MVD: variants seen among roughly 807,000 people sequenced by gnomAD.
MVD encodes the protein mevalonate diphosphate decarboxylase, also known as diphosphomevalonate decarboxylase.
A neutral mutation model predicts 42.4 loss-of-function variants in MVD; 52 were observed. The observed-to-expected ratio is 1.23, with a 90% CI of 0.98 to 1.55. The LOEUF is 1.55. Ranked by LOEUF, MVD falls within the 40% of genes most tolerant of loss-of-function variation. The pLI, the probability that MVD is intolerant of heterozygous loss-of-function variation, is 0.00. For synonymous variants in MVD, 287 were observed against 243.2 expected, an observed-to-expected ratio of 1.18 and a Z score of -1.68; for missense variants, 663 against 572.1, an observed-to-expected ratio of 1.16 and a Z score of -1.62.
chr16:88,656,958 G>A (rs1363316405), intron 4 of MVD: 1 of 340,244 alleles, frequency 2.9e-6, no homozygotes, highest in Non-Finnish European at 5.8e-6. Context: ...CCAGCAGAGA[G>A]CTGGGTCCAG....
Position 88,652,661 on chromosome 16 carries a change from C to G in MVD, c.1123-56G>C, listed in dbSNP as rs543534257. 1.8e-4 allele frequency: 268 copies of G among 1,487,074 alleles called. No homozygotes were observed. In the African/African-American group the frequency reaches 3.6e-3, roughly 20 times the overall value. The allele number at this position is 1,487,074 out of a possible 1,614,324, so 92.1% of individuals were successfully genotyped here. ...GGAATGGCAGCGCCTCATCCTGTGC[C>G]CAGCATCTGTAGGGCCGGACACAGG... On this transcript the variant is annotated intron_variant, in intron 9 of 9. Coordinates refer to ENST00000301012, the MANE Select transcript of MVD (RefSeq NM_002461.3).
rs568679801 is a variant in MVD, at chr16:88,658,902, C to A, written c.71-182G>T. 6.7e-5 allele frequency: 41 copies of A among 607,470 alleles called. No homozygotes were observed. In the South Asian group the frequency reaches 7.2e-4, roughly 11 times the overall value. The allele number at this position is 607,470 out of a possible 1,614,324, so 37.6% of individuals were successfully genotyped here. A position where few individuals can be genotyped will look rare whatever the true frequency, so the allele number is the denominator to read the frequency against. On this transcript the variant is annotated intron_variant, in intron 1 of 9. Transcript: ENST00000301012. ...GCCTGCAAGAACTGCTCCCACCCCA[C>A]TGAGCTCAGGCTCCCAGAGCAGAGC...
intron 7 of MVD, 140 bp downstream of exon 7, chr16:88,655,059 G>C: frequency 9.1e-7 from 1 of 1,102,200 alleles, no homozygotes; most frequent in Middle Eastern, 2.9e-4. Flanking sequence ...CAGATGGTCA[G>C]TGAGCTTCGC....
chr16:88,659,018 C>T (rs144745641), intron 1 of MVD: 3 of 407,842 alleles, frequency 7.4e-6, no homozygotes, highest in South Asian at 4.6e-5. Context: ...TCGCTCCCAC[C>T]GCGGCCTGCC....
At chr16:88,658,948 T>C in intron 1 of MVD, 2 of 502,530 alleles carry the variant, frequency 4.0e-6, no homozygotes, top group Non-Finnish European at 7.3e-6. Context: ...CCAACCTCCG[T>C]CCCCGCTCCC....
In MVD at chr16:88,655,203, G is replaced by A. The variant is rs1271662273; in HGVS notation, c.893C>T (p.Thr298Ile). 6.4e-7 allele frequency: 1 copy of A among 1,559,818 alleles called. No homozygotes were observed. Among genetic ancestry groups the A allele is most frequent in the Non-Finnish European group, 8.7e-7 (1 of 1,151,902 alleles). ...VHRFNAHHGD[T>I]KVAYTFDAGP... ...TGCCCTCCCGGCCCGCGTCACCTTG[G>A]TGTCCCCGTGGTGGGCGTTGAAGCG... The change falls in exon 7 of 10, where the codon ACC (threonine) becomes ATC (isoleucine). Residue 298 changes from threonine to isoleucine, a missense_variant. Thr to Ile is a moderately conservative substitution (Grantham distance 89). Coordinates refer to ENST00000301012, the MANE Select transcript of MVD (RefSeq NM_002461.3).
In MVD at chr16:88,655,731, C is replaced by T; in HGVS notation, c.604-1G>A. Reference sequence around the variant, plus strand: ...CTGTCAGCTTCTTCTCAGCGCTCACCTGCACGAGGGAGAGACAGCCTGGGC... The same window carrying T: ...CTGTCAGCTTCTTCTCAGCGCTCACTTGCACGAGGGAGAGACAGCCTGGGC... On this transcript the variant is annotated splice_acceptor_variant, in intron 5 of 9. Coordinates refer to ENST00000301012, the MANE Select transcript of MVD (RefSeq NM_002461.3). LOFTEE classifies it high-confidence loss of function. The T allele has an allele frequency of 1.3e-6, 2 of 1,555,400 alleles. No homozygotes were observed. The highest frequency in any genetic ancestry group is 1.7e-6 in the Non-Finnish European group (2 of 1,149,748).
Position 88,652,384 on chromosome 16 carries a change from G to T in MVD, c.*141C>A. ...GGGCGGCCGCAGGACTCCCTGCACTGCCCCACAGCAAGCTGCCCATGGGCC... is the reference window on the plus strand; with the variant it reads ...GGGCGGCCGCAGGACTCCCTGCACTTCCCCACAGCAAGCTGCCCATGGGCC... On this transcript the variant is annotated 3_prime_UTR_variant, in exon 10 of 10. Transcript: ENST00000301012. 1.1e-6 allele frequency: 1 copy of T among 914,244 alleles called. No individual in the cohort carries two copies. The allele number at this position is 914,244 out of a possible 1,614,324, so 56.6% of individuals were successfully genotyped here.
intron 1 of MVD, 75 bp downstream of exon 1, chr16:88,662,936 G>A: frequency 1.3e-6 from 2 of 1,546,422 alleles, no homozygotes; most frequent in Admixed American, 2.0e-5. Flanking sequence ...GCGCGCCGCC[G>A]AATCAGCGCG....
At chr16:88,652,630 T>C (rs1478827051) in intron 9 of MVD, 25 bp from the exon 10 acceptor site, 9 of 1,544,716 alleles carry the variant, frequency 5.8e-6, no homozygotes, top group Non-Finnish European at 7.9e-6. Context: ...CCATGTCAGG[T>C]CACCAGGAAT....
intron 4 of MVD, chr16:88,656,686 C>G (rs1459915302): frequency 9.4e-6 from 3 of 319,752 alleles, no homozygotes; most frequent in African/African-American, 4.2e-5. Flanking sequence ...CAGGACAGAG[C>G]TGGACTCCAC....
chr16:88,661,030 A>AAAAAAAAAT (rs1908257919), intron 1 of MVD, among the ~76,000 whole-genome samples: 1 of 150,652 alleles, frequency 6.6e-6, no homozygotes, highest in Non-Finnish European at 1.5e-5. Flanking sequence ...AAAAAAAAAA[A>AAAAAAAAAT]ATAGCAGAAG....
At chr16:88,656,460 G>T (rs142373947) in intron 4 of MVD, 156 bp from the exon 5 acceptor site, 38 of 760,970 alleles carry the variant, frequency 5.0e-5, no homozygotes, top group Middle Eastern at 7.6e-4. Flanking sequence ...AGCATTCACC[G>T]GCCCAGCCGT....
At chr16:88,657,403 C>T in intron 4 of MVD, 33 bp downstream of exon 4, 1 of 1,565,382 alleles carries the variant, frequency 6.4e-7, no homozygotes, top group South Asian at 1.2e-5. Context: ...CGCCCACAGC[C>T]CAGAACCCCT....
intron 1 of MVD, among the ~76,000 whole-genome samples, chr16:88,662,357 T>A (rs1004425754): frequency 1.3e-5 from 2 of 152,180 alleles, no homozygotes; most frequent in African/African-American, 4.8e-5. Context: ...AGATACTGGG[T>A]GGGCCACATA....
At chr16:88,653,898 C>T (rs1188068957) in intron 8 of MVD, among the ~76,000 whole-genome samples, 2 of 152,088 alleles carry the variant, frequency 1.3e-5, no homozygotes, top group Non-Finnish European at 2.9e-5. Flanking sequence ...GGTCTGAGTC[C>T]ACCCCACAGG....
intron 1 of MVD, chr16:88,659,356 G>T (rs79616778): frequency 0.018 from 2,768 of 156,434 alleles, 41 homozygotes; most frequent in Non-Finnish European, 0.028. Context: ...CCTGCAGCTC[G>T]CGAGGCTCTT....
At chr16:88,655,809 T>G in intron 5 of MVD, 79 bp from the exon 6 acceptor site, 13 of 1,489,476 alleles carry the variant, frequency 8.7e-6, no homozygotes, top group Non-Finnish European at 1.2e-5. Context: ...CACTCGGCCC[T>G]CCCTCAGCCA....
intron 1 of MVD, chr16:88,658,948 T>G: frequency 8.0e-6 from 4 of 502,506 alleles, no homozygotes; most frequent in Non-Finnish European, 3.7e-6. Context: ...CCAACCTCCG[T>G]CCCCGCTCCC....
Sources: gnomAD v4.1 joint callset for allele counts (sites outside exome capture counted in the v4.1 genomes callset) on GRCh38, gnomAD v4.1.1 for gene constraint, MANE v1.5 for transcripts, NCBI Gene and HGNC (gene_info 2026-07-23, HGNC 2026-07-21) for gene names.